PACRG: variants seen among roughly 807,000 people sequenced by gnomAD.
The protein encoded by PACRG is parkin coregulated.
In PACRG, 29 loss-of-function variants were observed where a neutral mutation model predicts 29.7. That is an observed-to-expected ratio of 0.98 (90% confidence interval 0.73 to 1.33). PACRG has a LOEUF of 1.33. PACRG is among the 40% of genes most tolerant of loss of function. PACRG has a pLI of 0.00. For missense variants in PACRG, 279 were observed against 316.2 expected (o/e 0.88, Z 0.89); for synonymous variants, 116 against 118.7 (o/e 0.98, Z 0.15).
intron 2 of PACRG, among the ~76,000 whole-genome samples, chr6:162,978,608 A>G (rs564661902): frequency 1.3e-5 from 2 of 152,284 alleles, no homozygotes; most frequent in Admixed American, 1.3e-4. Flanking sequence ...CTTTTTCTTC[A>G]TATAACTCTG....
chr6:162,957,518 A>G, intron 2 of PACRG: 1 of 367,844 alleles, frequency 2.7e-6, no homozygotes, highest in Admixed American at 3.0e-5. Flanking sequence ...GGCTCGGGAC[A>G]GCCTAGTTTT....
At chr6:162,932,684 T>C (rs1797937763) in intron 2 of PACRG, among the ~76,000 whole-genome samples, 1 of 151,946 alleles carries the variant, frequency 6.6e-6, no homozygotes, top group African/African-American at 2.4e-5. Flanking sequence ...TTGTTTATAA[T>C]AATCTCTAAT....
intron 2 of PACRG, among the ~76,000 whole-genome samples, chr6:162,903,134 T>C (rs1466501428): frequency 6.6e-6 from 1 of 152,150 alleles, no homozygotes; most frequent in Non-Finnish European, 1.5e-5. Flanking sequence ...TGGAATCAGA[T>C]TAAGGTGAAT....
At chr6:163,027,117 GGATTTGAATGAAAA>G (rs1254314130) in intron 2 of PACRG, among the ~76,000 whole-genome samples, 1 of 152,160 alleles carries the variant, frequency 6.6e-6, no homozygotes, top group Non-Finnish European at 1.5e-5. Flanking sequence ...CATCTACTGT[GGATTTGAATGAAAA>G]TGCACATAAT....
At chr6:162,871,551 A>C (rs57425098) in intron 2 of PACRG, among the ~76,000 whole-genome samples, 1 of 152,314 alleles carries the variant, frequency 6.6e-6, no homozygotes, top group East Asian at 1.9e-4. Context: ...TGAGTTACAC[A>C]TTCTCATATA....
At chr6:163,255,748 T>G (rs1319531960) in intron 4 of PACRG, among the ~76,000 whole-genome samples, 1 of 152,160 alleles carries the variant, frequency 6.6e-6, no homozygotes, top group African/African-American at 2.4e-5. Flanking sequence ...GCAACTCTCG[T>G]GCCTTAGCCT....
intron 4 of PACRG, among the ~76,000 whole-genome samples, chr6:163,147,822 GC>G (rs1428727639): frequency 6.6e-6 from 1 of 152,040 alleles, no homozygotes; most frequent in Non-Finnish European, 1.5e-5. Context: ...ACATCTCCCA[GC>G]CCCGGGGAAG....
chr6:163,313,238 G>A (rs969269489), intron 4 of PACRG, among the ~76,000 whole-genome samples: 1 of 151,826 alleles, frequency 6.6e-6, no homozygotes, highest in Non-Finnish European at 1.5e-5. Flanking sequence ...TAATCACAAT[G>A]GCTTTGTGAA....
At chr6:162,857,156 T>C (rs1791468201) in intron 2 of PACRG, among the ~76,000 whole-genome samples, 1 of 152,282 alleles carries the variant, frequency 6.6e-6, no homozygotes, top group South Asian at 2.1e-4. Flanking sequence ...AGCTCCGGAA[T>C]AGCAAAGGCC....
In PACRG at chr6:162,932,073, C is replaced by G. The variant is rs530622395; in HGVS notation, c.291+117792C>G. Among the ~76,000 whole-genome samples, 8 of 152,036 alleles carry G rather than the reference C, an allele frequency of 5.3e-5. No homozygotes were observed. In the East Asian group the frequency reaches 5.8e-4, roughly 11 times the overall value. ...ACGCATACTACAGACTACTACTACT[C>G]AGCAATAAAAAGAAATGAATTACTG... On this transcript the variant is annotated intron_variant, in intron 2 of 4. Coordinates refer to ENST00000366888, the MANE Select transcript of PACRG (RefSeq NM_001080379.2).
chr6:162,856,232 A>C (rs1010854122), intron 2 of PACRG, among the ~76,000 whole-genome samples: 1 of 151,664 alleles, frequency 6.6e-6, no homozygotes, highest in Non-Finnish European at 1.5e-5. Flanking sequence ...TAATTTTTTA[A>C]ATTTTTTGTA....
chr6:162,786,853 G>T (rs536219884), intron 1 of PACRG, among the ~76,000 whole-genome samples: 1 of 152,082 alleles, frequency 6.6e-6, no homozygotes, highest in Non-Finnish European at 1.5e-5. Context: ...AATTTTTTCA[G>T]TTGTATTGGA....
chr6:162,774,520 G>A (rs1172863507), intron 1 of PACRG, among the ~76,000 whole-genome samples: 1 of 152,216 alleles, frequency 6.6e-6, no homozygotes, highest in East Asian at 1.9e-4. Flanking sequence ...GGAATTTTTT[G>A]CATGTGTGAT....
intron 2 of PACRG, among the ~76,000 whole-genome samples, chr6:162,924,111 G>C (rs1212972845): frequency 6.6e-6 from 1 of 151,860 alleles, no homozygotes; most frequent in African/African-American, 2.4e-5. Context: ...CACCTTCCTG[G>C]TTAAATTTAT....
chr6:162,905,576 G>A (rs1584719123), intron 2 of PACRG, among the ~76,000 whole-genome samples: 1 of 152,130 alleles, frequency 6.6e-6, no homozygotes, highest in South Asian at 2.1e-4. Flanking sequence ...ACCTTCTGAC[G>A]TCTGCTACTT....
chr6:162,748,138 A>G (rs1047718518), intron 1 of PACRG, among the ~76,000 whole-genome samples: 6 of 152,178 alleles, frequency 3.9e-5, no homozygotes, highest in African/African-American at 1.4e-4. Flanking sequence ...TTGTCATTAA[A>G]GAAAGTGGGT....
At chr6:163,201,719 A>G (rs1780706994) in intron 4 of PACRG, among the ~76,000 whole-genome samples, 1 of 152,258 alleles carries the variant, frequency 6.6e-6, no homozygotes, top group South Asian at 2.1e-4. Flanking sequence ...GCTTGGCCTC[A>G]GGCCACCACC....
intron 2 of PACRG, among the ~76,000 whole-genome samples, chr6:162,960,682 T>C (rs1353642677): frequency 6.6e-6 from 1 of 152,178 alleles, no homozygotes. Context: ...ATGCAATATA[T>C]TCACGTAGCA....
At position 162,963,300 on chromosome 6, in the gene PACRG, G is replaced by C. The variant is rs372436834; in HGVS notation, c.292-98850G>C. Among the ~76,000 whole-genome samples the C allele has an allele frequency of 1.5e-4, 23 of 152,152 alleles. No individual in the cohort carries two copies. In the East Asian group the frequency reaches 1.7e-3, roughly 12 times the overall value. On this transcript the variant is annotated intron_variant, in intron 2 of 4. Transcript: ENST00000366888. The stretch of plus-strand genomic sequence containing the variant: ...GATGTGATTATATTAGACATTAAAA[G>C]CTGTTCACATTTCAAGTAGGCAAAT...
Sources: allele counts gnomAD v4.1 joint callset (sites outside exome capture counted in the v4.1 genomes callset), GRCh38; gene constraint gnomAD v4.1.1; transcripts MANE v1.5; gene names NCBI Gene and HGNC (gene_info 2026-07-23, HGNC 2026-07-21).